Variants in NFIB observed in about 807,000 individuals in gnomAD.
NFIB encodes nuclear factor 1 B-type.
NFIB carries 11 observed loss-of-function variants against 61.5 expected under a neutral mutation model. The ratio of observed to expected loss-of-function variants is 0.18; its 90% confidence interval spans 0.11 to 0.30. The LOEUF (loss-of-function observed/expected upper bound fraction) is 0.30. Among genes scored for constraint, NFIB ranks in the 10% least tolerant of loss-of-function variants. The probability of loss-of-function intolerance (pLI) is 1.00; values close to 1 mark genes in which losing one functional copy is unlikely to be tolerated. For synonymous variants in NFIB, 260 were observed against 216.5 expected (o/e 1.20, Z -1.76); for missense variants, 471 against 608.9 (o/e 0.77, Z 2.38).
chr9:14,530,125 T>C, the NFIB span, among the ~76,000 whole-genome samples: 4 of 152,228 alleles, frequency 2.6e-5, no homozygotes, highest in African/African-American at 9.6e-5. Context: ...AGAATATTGA[T>C]TTTAAAACTC....
chr9:14,426,340 C>T, the NFIB span, among the ~76,000 whole-genome samples: 16 of 152,290 alleles, frequency 1.1e-4, no homozygotes, highest in African/African-American at 3.4e-4. Flanking sequence ...TTATACTCTC[C>T]TCTGTGATCC....
At chr9:14,262,395 G>A (rs1485527536) in intron 2 of NFIB, among the ~76,000 whole-genome samples, 2 of 152,104 alleles carry the variant, frequency 1.3e-5, no homozygotes, top group African/African-American at 2.4e-5. Flanking sequence ...AAAGCACAGC[G>A]AATACACACG....
At chr9:14,361,322 A>C (rs1365771381) in intron 1 of NFIB, 1 of 152,114 alleles carries the variant, frequency 6.6e-6, no homozygotes, top group Non-Finnish European at 1.5e-5. Context: ...GCCCATTACT[A>C]ATGCTGATGT....
At chr9:14,091,255 A>T (rs546371922) in intron 10 of NFIB, among the ~76,000 whole-genome samples, 67 of 142,212 alleles carry the variant, frequency 4.7e-4, no homozygotes, top group Admixed American at 3.3e-3. Flanking sequence ...TAGTCCTGTT[A>T]AAAAAAAAAA....
chr9:14,111,856 C>A (rs138768564), intron 10 of NFIB, among the ~76,000 whole-genome samples: 1 of 152,234 alleles, frequency 6.6e-6, no homozygotes, highest in East Asian at 1.9e-4. Context: ...AATAAGCTAT[C>A]ATCTTTATGA....
chr9:14,523,689 C>T, the NFIB span, among the ~76,000 whole-genome samples: 1 of 152,058 alleles, frequency 6.6e-6, no homozygotes, highest in African/African-American at 2.4e-5. Context: ...ATACATTAAC[C>T]TTTTCCAAAC....
In NFIB at chr9:14,085,032, A is replaced by G. The variant is rs1008572491; in HGVS notation, c.*3277T>C. 1.1e-4 allele frequency: 25 copies of G among 227,628 alleles called. No individual in the cohort carries two copies. Among genetic ancestry groups the G allele is most frequent in the Middle Eastern group, 1.3e-3 (1 of 788 alleles). The allele number at this position is 227,628 out of a possible 1,614,324, so 14.1% of individuals were successfully genotyped here. The stretch of plus-strand genomic sequence containing the variant: ...CCTGTGAGGTTCATTTGTTCACCTA[A>G]TAGGTCAAAGATACATGAAGAGCTT... On this transcript the variant is annotated 3_prime_UTR_variant, in exon 11 of 11. Transcript: ENST00000380953.
chr9:14,441,285 C>T, the NFIB span, among the ~76,000 whole-genome samples: 1 of 152,030 alleles, frequency 6.6e-6, no homozygotes, highest in African/African-American at 2.4e-5. Context: ...CAAGACATTG[C>T]CAAAAGTAAT....
At chr9:14,105,914 G>T (rs990518467) in intron 10 of NFIB, among the ~76,000 whole-genome samples, 1 of 151,884 alleles carries the variant, frequency 6.6e-6, no homozygotes, top group Non-Finnish European at 1.5e-5. Context: ...TTGAGTTTGG[G>T]GTGGTGATTC....
rs529419697 is a variant in NFIB at position 14,149,903 on chromosome 9, T to A, written c.806+242A>T. 3.3e-5 allele frequency among the ~76,000 whole-genome samples: 5 copies of A among 152,314 alleles called. No homozygotes were observed. In the South Asian group the frequency reaches 1.0e-3, roughly 32 times the overall value. ...TTCCTACAACAGGACAAAAGTCATA[T>A]TAATATATTTTCCTAGTTACCTGTC... On this transcript the variant is annotated intron_variant, in intron 5 of 10. Transcript: ENST00000380953.
intron 2 of NFIB, among the ~76,000 whole-genome samples, chr9:14,184,127 T>C (rs551241783): frequency 3.9e-4 from 59 of 152,264 alleles, no homozygotes; most frequent in African/African-American, 1.4e-3. Flanking sequence ...GTTTTTCCTA[T>C]GACCCAATTT....
At chr9:14,369,771 A>C (rs148224657) in intron 1 of NFIB, among the ~76,000 whole-genome samples, 18 of 152,064 alleles carry the variant, frequency 1.2e-4, no homozygotes, top group Non-Finnish European at 2.2e-4. Flanking sequence ...CACAGCTTCT[A>C]CTCCTTAATT....
chr9:14,228,206 T>A (rs1353396437), intron 2 of NFIB, among the ~76,000 whole-genome samples: 1 of 151,224 alleles, frequency 6.6e-6, no homozygotes, highest in Non-Finnish European at 1.5e-5. Context: ...TCTTTTTTTT[T>A]TTTTTTTTGA....
the NFIB span, among the ~76,000 whole-genome samples, chr9:14,414,175 C>T: frequency 1.3e-5 from 2 of 151,994 alleles, no homozygotes; most frequent in Non-Finnish European, 2.9e-5. Flanking sequence ...TGGTGGCTCA[C>T]GTCTGTAATC....
In NFIB at chr9:14,305,833, G is replaced by A. The variant is rs186558554; in HGVS notation, c.562+1156C>T. Reference sequence around the variant, plus strand: ...AACCTCAGGTAACAGTCTGTCACCTGGCTATCTGCAGGCCATTTTTCCTCC... The same window carrying A: ...AACCTCAGGTAACAGTCTGTCACCTAGCTATCTGCAGGCCATTTTTCCTCC... On this transcript the variant is annotated intron_variant, in intron 2 of 10. Coordinates refer to ENST00000380953, the MANE Select transcript of NFIB (RefSeq NM_001190737.2). 643 of 365,626 alleles carry A rather than the reference G, an allele frequency of 1.8e-3. 4 individuals are homozygous for A. The highest frequency in any genetic ancestry group is 0.011 in the East Asian group (276 of 24,738). The allele number at this position is 365,626 out of a possible 1,614,324, so 22.6% of individuals were successfully genotyped here. A position where few individuals can be genotyped will look rare whatever the true frequency, so the allele number is the denominator to read the frequency against.
intron 6 of NFIB, among the ~76,000 whole-genome samples, chr9:14,128,119 A>G (rs577401050): frequency 3.0e-4 from 46 of 152,188 alleles, no homozygotes; most frequent in Non-Finnish European, 5.0e-4. Flanking sequence ...AGGTAATACT[A>G]CAAATATAGG....
chr9:14,094,440 G>A (rs761018598), intron 10 of NFIB: 1 of 152,066 alleles, frequency 6.6e-6, no homozygotes, highest in Non-Finnish European at 1.5e-5. Context: ...TGTTTGTTGA[G>A]TTCCACTTCA....
intron 1 of NFIB, among the ~76,000 whole-genome samples, chr9:14,354,194 A>G (rs1489810446): frequency 6.6e-6 from 1 of 152,140 alleles, no homozygotes; most frequent in East Asian, 1.9e-4. Context: ...TTTCAGCATC[A>G]TGAGTTCCCT....
At chr9:14,520,557 G>A in the NFIB span, among the ~76,000 whole-genome samples, 5 of 152,300 alleles carry the variant, frequency 3.3e-5, no homozygotes, top group East Asian at 9.7e-4. Context: ...CTCTTCCAAT[G>A]AGTATGAAAT....
Sources: gnomAD v4.1 joint callset for allele counts (sites outside exome capture counted in the v4.1 genomes callset) on GRCh38, gnomAD v4.1.1 for gene constraint, MANE v1.5 for transcripts, NCBI Gene and HGNC (gene_info 2026-07-23, HGNC 2026-07-21) for gene names.